PRRT1B: variants seen among roughly 807,000 people sequenced by gnomAD.
The protein encoded by PRRT1B is dispanin subfamily D member 2.
rs1359588879 is a variant in PRRT1B at position 131,558,037 on chromosome 9, C to G, written c.643-16C>G. 2.5e-6 allele frequency: 1 copy of G among 399,144 alleles called. No homozygotes were observed. Among genetic ancestry groups the G allele is most frequent in the East Asian group, 3.6e-5 (1 of 28,076 alleles). 24.7% of individuals were successfully genotyped at this position (399,144 alleles called of 1,614,324 possible). A position where few individuals can be genotyped will look rare whatever the true frequency, so the allele number is the denominator to read the frequency against. On this transcript the variant is annotated splice_polypyrimidine_tract_variant and intron_variant, in intron 3 of 3. Transcript: ENST00000636672. ...TGTTCGCTCCCACCGCCCCCTCCTG[C>G]CCTGTCTCGTTGCAGGCCCGTGCAG... is the stretch of plus-strand genomic sequence containing the variant.
At chr9:131,553,202 T>C (rs1242196528) in intron 1 of PRRT1B, among the ~76,000 whole-genome samples, 1 of 149,514 alleles carries the variant, frequency 6.7e-6, no homozygotes, top group Non-Finnish European at 1.5e-5. Context: ...ACACTCACAT[T>C]GTTGTGCAGG....
intron 1 of PRRT1B, among the ~76,000 whole-genome samples, chr9:131,546,122 C>T (rs183998194): frequency 6.6e-6 from 1 of 152,186 alleles, no homozygotes. Flanking sequence ...CACTCCCGCC[C>T]CGTGTCCCGC....
intron 2 of PRRT1B, among the ~76,000 whole-genome samples, chr9:131,555,268 C>A (rs560706252): frequency 6.6e-6 from 1 of 152,220 alleles, no homozygotes; most frequent in South Asian, 2.1e-4. Flanking sequence ...CGAGACTGGG[C>A]GTTCTGGGGA....
chr9:131,546,065 C>T (rs1950972509), intron 1 of PRRT1B, among the ~76,000 whole-genome samples: 1 of 152,130 alleles, frequency 6.6e-6, no homozygotes, highest in South Asian at 2.1e-4. Context: ...CCCCTGCGGG[C>T]AAGCCAGGGA....
In PRRT1B at chr9:131,545,785, G is replaced by C. The variant is rs543641045; in HGVS notation, c.25+145G>C. On this transcript the variant is annotated intron_variant, in intron 1 of 3. Coordinates refer to ENST00000636672, the Ensembl canonical transcript of PRRT1B. ...GGTGCTGGCGGAGCGGGTGCTGGAGGGGGTGTAAGGGGTAGATACCAGAGG... is the reference window on the plus strand; with the variant it reads ...GGTGCTGGCGGAGCGGGTGCTGGAGCGGGTGTAAGGGGTAGATACCAGAGG... 53 of 400,826 alleles carry C rather than the reference G, an allele frequency of 1.3e-4. No individual in the cohort carries two copies. The East Asian group carries it at 1.4e-3, about 11-fold the overall frequency. The allele number at this position is 400,826 out of a possible 1,614,324, so 24.8% of individuals were successfully genotyped here. A position where few individuals can be genotyped will look rare whatever the true frequency, so the allele number is the denominator to read the frequency against.
chr9:131,552,949 G>A (rs1052121945), intron 1 of PRRT1B, among the ~76,000 whole-genome samples: 1 of 150,964 alleles, frequency 6.6e-6, no homozygotes, highest in Non-Finnish European at 1.5e-5. Context: ...GCCTCCCAAA[G>A]TGCTGGGATT....
chr9:131,547,522 G>A (rs1241513080), intron 1 of PRRT1B, among the ~76,000 whole-genome samples: 1 of 152,050 alleles, frequency 6.6e-6, no homozygotes, highest in Non-Finnish European at 1.5e-5. Context: ...TCCCTTCGCT[G>A]ACTCTTTTCG....
chr9:131,552,677 G>GTT (rs60006538), intron 1 of PRRT1B, among the ~76,000 whole-genome samples: 10 of 141,502 alleles, frequency 7.1e-5, no homozygotes, highest in Non-Finnish European at 1.4e-4. Flanking sequence ...AACCTCTAAG[G>GTT]TTTTTTTTTT....
intron 1 of PRRT1B, among the ~76,000 whole-genome samples, chr9:131,553,759 C>T (rs4740277): frequency 0.71 from 108,183 of 152,194 alleles, 39,734 homozygotes; most frequent in African/African-American, 0.92. Flanking sequence ...TGAATGCCCA[C>T]GCAGGTCAGG....
chr9:131,550,139 A>G (rs141659436), intron 1 of PRRT1B, among the ~76,000 whole-genome samples: 2,591 of 152,208 alleles, frequency 0.017, 90 homozygotes, highest in African/African-American at 0.059. Context: ...AAAGCCTACA[A>G]ACTCCCCTTA....
At chr9:131,549,397 C>G (rs1276106330) in intron 1 of PRRT1B, among the ~76,000 whole-genome samples, 1 of 150,836 alleles carries the variant, frequency 6.6e-6, no homozygotes, top group Admixed American at 6.6e-5. Flanking sequence ...AGGAATGCCC[C>G]CAGCCCGGGA....
At chr9:131,552,730 C>T (rs571714811) in intron 1 of PRRT1B, among the ~76,000 whole-genome samples, 25 of 151,332 alleles carry the variant, frequency 1.7e-4, no homozygotes, top group Middle Eastern at 3.4e-3. Flanking sequence ...TGTAGTGCAG[C>T]GGTGTGATCT....
chr9:131,550,735 C>G (rs1262385514), intron 1 of PRRT1B, among the ~76,000 whole-genome samples: 1 of 152,156 alleles, frequency 6.6e-6, no homozygotes, highest in Non-Finnish European at 1.5e-5. Flanking sequence ...GCTGCCGCTG[C>G]TTTAATACTT....
At chr9:131,559,286 T>C (rs1951070227), downstream of PRRT1B, among the ~76,000 whole-genome samples, 1 of 152,138 alleles carries the variant, frequency 6.6e-6, no homozygotes, top group African/African-American at 2.4e-5. Flanking sequence ...CTACTAAAAA[T>C]ACAAAAATTA....
At chr9:131,547,385 C>G (rs1234466871) in intron 1 of PRRT1B, among the ~76,000 whole-genome samples, 3 of 152,128 alleles carry the variant, frequency 2.0e-5, no homozygotes, top group African/African-American at 7.2e-5. Context: ...TCTCCTGGCT[C>G]ATCCTGGCTC....
intron 3 of PRRT1B, among the ~76,000 whole-genome samples, chr9:131,557,225 A>G (rs987839488): frequency 3.3e-5 from 5 of 152,106 alleles, no homozygotes; most frequent in African/African-American, 9.7e-5. Context: ...AAAGATGCCA[A>G]TGTGATGACA....
chr9:131,545,634 G>A, exon 1 of PRRT1B: 1 of 400,572 alleles, frequency 2.5e-6, no homozygotes, highest in Non-Finnish European at 4.4e-6. Context: ...AGGAGCTGGA[G>A]GGGCAGGTGC....
intron 1 of PRRT1B, among the ~76,000 whole-genome samples, chr9:131,552,190 C>T (rs1401440373): frequency 6.6e-6 from 1 of 152,164 alleles, no homozygotes; most frequent in Admixed American, 6.5e-5. Context: ...CCACTTCCCC[C>T]TTTTAGAGAG....
At chr9:131,555,214 G>A (rs964562287) in intron 2 of PRRT1B, among the ~76,000 whole-genome samples, 185 bp downstream of exon 2, 1 of 152,346 alleles carries the variant, frequency 6.6e-6, no homozygotes, top group Middle Eastern at 3.4e-3. Context: ...CAAAGAGAAC[G>A]ACGGGCGCCC....
Sources: gnomAD v4.1 joint callset for allele counts (sites outside exome capture counted in the v4.1 genomes callset) on GRCh38, gnomAD v4.1.1 for gene constraint, MANE v1.5 for transcripts, NCBI Gene and HGNC (gene_info 2026-07-23, HGNC 2026-07-21) for gene names.